The following GALNTL5 variants were observed in gnomAD, a reference collection of about 807,000 sequenced individuals.
GALNTL5 encodes inactive polypeptide N-acetylgalactosaminyltransferase-like protein 5.
GALNTL5 carries 44 observed loss-of-function variants against 51.0 expected under a neutral mutation model. The observed-to-expected ratio is 0.86, with a 90% CI of 0.68 to 1.11. The LOEUF is 1.11. Among genes scored for constraint, GALNTL5 ranks in the 50% least tolerant of loss-of-function variants. GALNTL5 has a pLI of 0.00. For missense variants in GALNTL5, 528 were observed against 531.8 expected, an observed-to-expected ratio of 0.99 and a Z score of 0.07; for synonymous variants, 192 against 182.8, an observed-to-expected ratio of 1.05 and a Z score of -0.41.
At chr7:151,969,846 G>A (rs1019540887) in intron 2 of GALNTL5, among the ~76,000 whole-genome samples, 6 of 152,210 alleles carry the variant, frequency 3.9e-5, no homozygotes, top group East Asian at 1.9e-4. Context: ...TCGCTCTGTC[G>A]CCCAGGCTGG....
Position 151,980,946 on chromosome 7 carries a change from C to G in GALNTL5, c.369-2040C>G, listed in dbSNP as rs573685573. On this transcript the variant is annotated intron_variant, in intron 3 of 8. Coordinates refer to ENST00000392800, the MANE Select transcript of GALNTL5 (RefSeq NM_145292.4). ...ATTTTTAGTAGAGACGGGGTTTCAC[C>G]GTGTTAGCCAGGATGGTCTCGATCT... Among the ~76,000 whole-genome samples the G allele has an allele frequency of 2.6e-5, 4 of 151,810 alleles. No individual in the cohort carries two copies. The East Asian group carries it at 7.7e-4, about 29-fold the overall frequency.
intron 5 of GALNTL5, among the ~76,000 whole-genome samples, chr7:151,994,680 C>G (rs1432275809): frequency 6.6e-6 from 1 of 152,142 alleles, no homozygotes; most frequent in Non-Finnish European, 1.5e-5. Flanking sequence ...TGATCAAATG[C>G]CACTTTATCA....
intron 7 of GALNTL5, among the ~76,000 whole-genome samples, chr7:152,011,631 A>G (rs1170298042): frequency 1.3e-5 from 2 of 152,226 alleles, no homozygotes; most frequent in Admixed American, 1.3e-4. Context: ...CAAGGTTGCT[A>G]AATCTCCTTG....
chr7:152,002,055 G>A (rs547573643), intron 5 of GALNTL5, among the ~76,000 whole-genome samples: 33 of 152,150 alleles, frequency 2.2e-4, no homozygotes, highest in African/African-American at 5.3e-4. Context: ...TGAGGTGGGC[G>A]GATCACCTGA....
At chr7:151,976,812 C>A (rs536427387) in intron 3 of GALNTL5, among the ~76,000 whole-genome samples, 7 of 152,122 alleles carry the variant, frequency 4.6e-5, no homozygotes, top group African/African-American at 1.7e-4. Flanking sequence ...GGATTACAGG[C>A]GTGCACCACC....
intron 3 of GALNTL5, among the ~76,000 whole-genome samples, chr7:151,981,058 T>C (rs1054340007): frequency 3.2e-4 from 48 of 152,266 alleles, no homozygotes; most frequent in African/African-American, 1.0e-3. Flanking sequence ...ATGATTTTTT[T>C]ATTTCAACTC....
At chr7:152,008,998 T>C (rs1260760969) in intron 7 of GALNTL5, among the ~76,000 whole-genome samples, 1 of 152,226 alleles carries the variant, frequency 6.6e-6, no homozygotes, top group African/African-American at 2.4e-5. Flanking sequence ...TCCCTATAGA[T>C]AGCAAATGAC....
intron 7 of GALNTL5, among the ~76,000 whole-genome samples, 191 bp downstream of exon 7, chr7:152,008,135 C>T (rs2151959334): frequency 6.6e-6 from 1 of 152,114 alleles, no homozygotes; most frequent in South Asian, 2.1e-4. Flanking sequence ...GATTCTTGGC[C>T]TGGTGTGGTG....
intron 3 of GALNTL5, among the ~76,000 whole-genome samples, chr7:151,978,549 T>A (rs901280986): frequency 6.6e-6 from 1 of 152,200 alleles, no homozygotes; most frequent in African/African-American, 2.4e-5. Context: ...GACTGATGCA[T>A]GGTAAAATTT....
At chr7:152,000,957 G>A (rs1361352819) in intron 5 of GALNTL5, among the ~76,000 whole-genome samples, 1 of 143,766 alleles carries the variant, frequency 7.0e-6, no homozygotes, top group Non-Finnish European at 1.5e-5. Flanking sequence ...CCAGGCTGGA[G>A]TGCAGTGGCA....
At chr7:151,961,739 A>G (rs2080994253) in intron 1 of GALNTL5, among the ~76,000 whole-genome samples, 1 of 152,226 alleles carries the variant, frequency 6.6e-6, no homozygotes, top group Non-Finnish European at 1.5e-5. Context: ...GGAAAGGGGC[A>G]GGGTCCAGGG....
chr7:152,003,828 CAT>C (rs1294886608), intron 6 of GALNTL5, among the ~76,000 whole-genome samples: 2 of 152,132 alleles, frequency 1.3e-5, no homozygotes, highest in African/African-American at 4.8e-5. Context: ...CCATATCTCA[CAT>C]ATAAAACATT....
rs191766867 is a variant in GALNTL5, at chr7:152,014,616, G to A, written c.1027-28G>A. 3.1e-5 allele frequency: 49 copies of A among 1,579,868 alleles called. 1 individual carries two copies. The highest frequency in any genetic ancestry group is 3.4e-4 in the Middle Eastern group (2 of 5,848). On this transcript the variant is annotated intron_variant, in intron 7 of 8. Coordinates refer to ENST00000392800, the MANE Select transcript of GALNTL5 (RefSeq NM_145292.4). ...GCCTGTTAGCAGTAATAATGCATTC[G>A]TATGTTTTTTGTTCTTCTTATGCCT...
intron 3 of GALNTL5, among the ~76,000 whole-genome samples, chr7:151,980,319 G>A (rs2081263125): frequency 6.6e-6 from 1 of 152,178 alleles, no homozygotes; most frequent in Non-Finnish European, 1.5e-5. Flanking sequence ...CCTAACCTCA[G>A]GTGATCTGCC....
At chr7:151,999,177 T>A (rs949216834) in intron 5 of GALNTL5, among the ~76,000 whole-genome samples, 4 of 152,244 alleles carry the variant, frequency 2.6e-5, no homozygotes, top group African/African-American at 9.6e-5. Context: ...TTTTTGAGGT[T>A]CATCCACATG....
chr7:151,995,971 A>G (rs1302393181), intron 5 of GALNTL5, among the ~76,000 whole-genome samples: 1 of 152,192 alleles, frequency 6.6e-6, no homozygotes, highest in Non-Finnish European at 1.5e-5. Context: ...CTCAGTAGAC[A>G]GCATCATCCC....
chr7:151,957,384 A>T (rs1293603302), intron 1 of GALNTL5, among the ~76,000 whole-genome samples: 3 of 11,696 alleles, frequency 2.6e-4, no homozygotes, highest in Non-Finnish European at 4.1e-4. Flanking sequence ...TCTCTATTTA[A>T]AAAAAAAAAA....
At chr7:152,009,993 T>C (rs1387796274) in intron 7 of GALNTL5, among the ~76,000 whole-genome samples, 1 of 152,246 alleles carries the variant, frequency 6.6e-6, no homozygotes, top group Non-Finnish European at 1.5e-5. Flanking sequence ...TGCTGTATGC[T>C]GAGCATTGAG....
At chr7:151,980,788 C>T (rs1295199139) in intron 3 of GALNTL5, among the ~76,000 whole-genome samples, 3 of 131,672 alleles carry the variant, frequency 2.3e-5, no homozygotes, top group Non-Finnish European at 4.7e-5. Context: ...CTCTGTCGCC[C>T]AGGCTGGAGT....
Sources: gnomAD v4.1 joint callset for allele counts (sites outside exome capture counted in the v4.1 genomes callset) on GRCh38, gnomAD v4.1.1 for gene constraint, MANE v1.5 for transcripts, NCBI Gene and HGNC (gene_info 2026-07-23, HGNC 2026-07-21) for gene names.